YTHDF2: variants seen among roughly 807,000 people sequenced by gnomAD.
YTHDF2 encodes the protein YTH domain-containing family protein 2.
In YTHDF2, 2 loss-of-function variants were observed where a neutral mutation model predicts 50.4. The observed-to-expected ratio is 0.04, with a 90% CI of 0.02 to 0.12. The LOEUF is 0.12. Among genes scored for constraint, YTHDF2 ranks in the 10% least tolerant of loss-of-function variants. The pLI is 1.00. For synonymous variants in YTHDF2, 217 were observed against 255.6 expected, an observed-to-expected ratio of 0.85 and a Z score of 1.44; for missense variants, 483 against 722.6, an observed-to-expected ratio of 0.67 and a Z score of 3.80.
intron 3 of YTHDF2, among the ~76,000 whole-genome samples, chr1:28,741,654 A>G (rs906575461): frequency 2.6e-5 from 4 of 152,172 alleles, no homozygotes; most frequent in Non-Finnish European, 5.9e-5. Context: ...GTTATAACTG[A>G]GTAGTGGGAT....
chr1:28,741,245 G>T (rs563352352), intron 3 of YTHDF2, among the ~76,000 whole-genome samples: 7 of 151,296 alleles, frequency 4.6e-5, no homozygotes, highest in Non-Finnish European at 1.0e-4. Context: ...TGATTTGCCC[G>T]CCTCAGCCTC....
intron 4 of YTHDF2, among the ~76,000 whole-genome samples, chr1:28,759,014 T>C (rs1342385298): frequency 1.3e-5 from 2 of 152,210 alleles, no homozygotes; most frequent in African/African-American, 2.4e-5. Context: ...GTATTTCTTG[T>C]AGGATTAGAA....
rs1031975829 is a variant in YTHDF2 at position 28,744,773 on chromosome 1, A to AT, written c.1716+788dup. On this transcript the variant is annotated intron_variant, in intron 4 of 4. Coordinates refer to ENST00000373812, the MANE Select transcript of YTHDF2 (RefSeq NM_016258.3). ...AGCCTCCACCTTCTGGGCTCAAGTG[A>AT]TCCCCCCATCTCAGCTTCGTGACTA... Among the ~76,000 whole-genome samples the AT allele has an allele frequency of 4.4e-4, 67 of 152,124 alleles. 1 individual carries two copies. Among genetic ancestry groups the AT allele is most frequent in the African/African-American group, 1.5e-3 (63 of 41,476 alleles).
At chr1:28,739,434 CA>C (rs983898153) in intron 3 of YTHDF2, among the ~76,000 whole-genome samples, 3 of 151,904 alleles carry the variant, frequency 2.0e-5, no homozygotes, top group Admixed American at 6.6e-5. Flanking sequence ...CTCAGCCTCC[CA>C]AGTAGCTGGG....
chr1:28,740,740 G>A (rs2087763022), intron 3 of YTHDF2, among the ~76,000 whole-genome samples: 1 of 152,140 alleles, frequency 6.6e-6, no homozygotes, highest in Non-Finnish European at 1.5e-5. Flanking sequence ...GTCTCACTCT[G>A]TCACCCAGGC....
intron 1 of YTHDF2, 29 bp from the exon 2 acceptor site, chr1:28,737,629 C>T: frequency 3.1e-6 from 5 of 1,613,712 alleles, no homozygotes; most frequent in Non-Finnish European, 3.4e-6. Context: ...GGACAACTTG[C>T]TGCTCGGCGA....
intron 4 of YTHDF2, among the ~76,000 whole-genome samples, chr1:28,749,427 G>T (rs1012759376): frequency 6.6e-6 from 1 of 151,916 alleles, no homozygotes; most frequent in African/African-American, 2.4e-5. Flanking sequence ...TGATCTGCCC[G>T]CCCCGGCCTC....
intron 4 of YTHDF2, among the ~76,000 whole-genome samples, chr1:28,759,781 C>G (rs1202350448): frequency 6.6e-6 from 1 of 151,972 alleles, no homozygotes; most frequent in Non-Finnish European, 1.5e-5. Context: ...CATGGTGAAA[C>G]CCCATCTCTA....
At chr1:28,747,823 C>G (rs12732579) in intron 4 of YTHDF2, among the ~76,000 whole-genome samples, 2 of 151,376 alleles carry the variant, frequency 1.3e-5, no homozygotes, top group Admixed American at 6.6e-5. Flanking sequence ...AGTTTACTCT[C>G]TTGTAAGAAC....
intron 4 of YTHDF2, among the ~76,000 whole-genome samples, chr1:28,744,534 TGAG>T (rs773446569): frequency 3.1e-4 from 47 of 152,198 alleles, no homozygotes; most frequent in Non-Finnish European, 6.6e-4. Flanking sequence ...GGCAGAATGA[TGAG>T]GAATGGATTC....
intron 4 of YTHDF2, among the ~76,000 whole-genome samples, chr1:28,764,090 C>T (rs1042415421): frequency 7.3e-5 from 11 of 151,238 alleles, no homozygotes; most frequent in African/African-American, 2.4e-4. Context: ...GCTGGGATTA[C>T]AGGCATGTGC....
intron 3 of YTHDF2, 139 bp from the exon 4 acceptor site, chr1:28,742,264 G>T: frequency 9.1e-7 from 1 of 1,094,896 alleles, no homozygotes; most frequent in Non-Finnish European, 1.3e-6. Context: ...CAAAGTGTAG[G>T]GATTACAGGT....
intron 4 of YTHDF2, among the ~76,000 whole-genome samples, chr1:28,767,818 T>A (rs1342311703): frequency 8.2e-6 from 1 of 122,022 alleles, no homozygotes; most frequent in African/African-American, 3.1e-5. Flanking sequence ...ATTTTTGTAT[T>A]TTTAGTAGAG....
At chr1:28,747,852 G>A (rs1051147201) in intron 4 of YTHDF2, among the ~76,000 whole-genome samples, 4 of 151,520 alleles carry the variant, frequency 2.6e-5, no homozygotes, top group African/African-American at 4.8e-5. Context: ...CTGGCCGGGC[G>A]CGGTGGCTCA....
chr1:28,738,410 T>C, intron 3 of YTHDF2, 72 bp downstream of exon 3: 1 of 1,266,302 alleles, frequency 7.9e-7, no homozygotes, highest in South Asian at 1.3e-5. Context: ...TACCAATAAA[T>C]CCCATTTTCT....
rs767140624 is a variant in YTHDF2 at position 28,742,794 on chromosome 1, C to G, written c.524C>G (p.Thr175Ser). 1 of 1,614,130 alleles carries G rather than the reference C, an allele frequency of 6.2e-7. No individual in the cohort carries two copies. The highest frequency in any genetic ancestry group is 8.5e-7 in the Non-Finnish European group (1 of 1,180,024). ...IDGQSAFANE[T>S]LNKAPGMNTI... ...GGACAGTCAGCTTTTGCCAATGAGA[C>G]CCTCAATAAGGCTCCTGGCATGAAT... Residue 175 changes from threonine (T) to serine (S), a missense_variant, in exon 4 of 5, where the codon ACC becomes AGC. Coordinates refer to ENST00000373812, the MANE Select transcript of YTHDF2 (RefSeq NM_016258.3).
chr1:28,738,483 C>A, intron 3 of YTHDF2, 145 bp downstream of exon 3: 1 of 767,862 alleles, frequency 1.3e-6, no homozygotes, highest in Non-Finnish European at 2.1e-6. Context: ...CTCGCTCTGA[C>A]GCCCAGGCTG....
At chr1:28,766,037 T>C (rs2088210957) in intron 4 of YTHDF2, among the ~76,000 whole-genome samples, 1 of 152,242 alleles carries the variant, frequency 6.6e-6, no homozygotes, top group African/African-American at 2.4e-5. Context: ...ATAGCAATTT[T>C]TTTGTGGTCC....
At chr1:28,754,612 A>G (rs2088008929) in intron 4 of YTHDF2, among the ~76,000 whole-genome samples, 1 of 152,076 alleles carries the variant, frequency 6.6e-6, no homozygotes, top group Non-Finnish European at 1.5e-5. Flanking sequence ...TCGCAAGGTC[A>G]GGAGTTCAAG....
Sources: allele counts gnomAD v4.1 joint callset (sites outside exome capture counted in the v4.1 genomes callset), GRCh38; gene constraint gnomAD v4.1.1; transcripts MANE v1.5; gene names NCBI Gene and HGNC (gene_info 2026-07-23, HGNC 2026-07-21).